The following MARCHF3 variants were observed in gnomAD, a reference collection of about 807,000 sequenced individuals.
MARCHF3 encodes the protein E3 ubiquitin-protein ligase MARCHF3.
A neutral mutation model predicts 24.2 loss-of-function variants in MARCHF3; 13 were observed. That is an observed-to-expected ratio of 0.54 (90% CI 0.35 to 0.85). The LOEUF is 0.85. Among genes scored for constraint, MARCHF3 ranks in the 40% least tolerant of loss-of-function variants. The pLI is 0.01. For missense variants in MARCHF3, 276 were observed against 325.0 expected (o/e 0.85, Z 1.16); for synonymous variants, 144 against 137.3 (o/e 1.05, Z -0.34).
intron 1 of MARCHF3, among the ~76,000 whole-genome samples, chr5:126,948,062 A>G (rs1750089689): frequency 6.6e-6 from 1 of 152,136 alleles, no homozygotes; most frequent in Non-Finnish European, 1.5e-5. Context: ...CACTTCCTAC[A>G]TTAATCAAGC....
At chr5:127,028,146 CCATT>C (rs150088731) in intron 1 of MARCHF3, among the ~76,000 whole-genome samples, 3,564 of 152,264 alleles carry the variant, frequency 0.023, 58 homozygotes, top group Non-Finnish European at 0.027. Flanking sequence ...CCCTTAAAAA[CCATT>C]CAGTTTATTC....
At chr5:126,946,777 T>TGTGTGTGTGTGTGG (rs1750028614) in intron 1 of MARCHF3, among the ~76,000 whole-genome samples, 1 of 150,332 alleles carries the variant, frequency 6.7e-6, no homozygotes, top group Non-Finnish European at 1.5e-5. Flanking sequence ...TGTGTGTGTG[T>TGTGTGTGTGTGTGG]GTGTGTGTGT....
chr5:126,982,815 G>T lies in MARCHF3; in HGVS notation c.-57+47535C>A, dbSNP rs1171980273. ...TACAAAGTAGAGTACAAAGCTCAGA[G>T]ATGGGAGTTGAATTGGGGTATATAT... On this transcript the variant is annotated intron_variant, in intron 1 of 4. Coordinates refer to ENST00000308660, the MANE Select transcript of MARCHF3 (RefSeq NM_178450.5). 3.9e-5 allele frequency among the ~76,000 whole-genome samples: 6 copies of T among 152,236 alleles called. No homozygotes were observed. In the East Asian group the frequency reaches 9.6e-4, roughly 24 times the overall value.
intron 1 of MARCHF3, among the ~76,000 whole-genome samples, chr5:127,016,735 T>C (rs971788209): frequency 2.6e-5 from 4 of 152,136 alleles, no homozygotes; most frequent in Middle Eastern, 3.2e-3. Flanking sequence ...GAAATACCAT[T>C]TGACCCAGTG....
intron 1 of MARCHF3, among the ~76,000 whole-genome samples, chr5:127,019,119 G>A (rs1396667559): frequency 1.3e-5 from 2 of 152,152 alleles, no homozygotes; most frequent in Non-Finnish European, 2.9e-5. Context: ...ATATAAATTA[G>A]TACATTCAAG....
intron 3 of MARCHF3, chr5:126,899,186 A>G (rs967034094): frequency 1.0e-6 from 1 of 985,194 alleles, no homozygotes; most frequent in Admixed American, 6.2e-5. Flanking sequence ...AGAAACATAC[A>G]TTCCATGAAG....
At chr5:126,944,077 T>C (rs1323488807) in intron 1 of MARCHF3, among the ~76,000 whole-genome samples, 2 of 152,024 alleles carry the variant, frequency 1.3e-5, no homozygotes, top group Non-Finnish European at 2.9e-5. Context: ...CCCAAAGTGC[T>C]GGGATTACAA....
chr5:126,877,093 T>C (rs984582112), intron 4 of MARCHF3, among the ~76,000 whole-genome samples: 15 of 152,060 alleles, frequency 9.9e-5, no homozygotes, highest in Admixed American at 9.2e-4. Context: ...GAAATGTATC[T>C]CCTTACTGTT....
intron 3 of MARCHF3, among the ~76,000 whole-genome samples, chr5:126,892,649 ATGG>A (rs1753736477): frequency 6.7e-6 from 1 of 150,034 alleles, no homozygotes; most frequent in Non-Finnish European, 1.5e-5. Context: ...CCACTTGATC[ATGG>A]TGGATAAGCT....
At chr5:126,874,586 C>CAA (rs55934327) in intron 4 of MARCHF3, among the ~76,000 whole-genome samples, 5 of 85,606 alleles carry the variant, frequency 5.8e-5, no homozygotes, top group South Asian at 3.5e-4. Flanking sequence ...AACTCCCTCT[C>CAA]AAAAAAAAAA....
intron 1 of MARCHF3, among the ~76,000 whole-genome samples, chr5:126,951,423 A>G (rs528556664): frequency 6.6e-6 from 1 of 152,160 alleles, no homozygotes; most frequent in Non-Finnish European, 1.5e-5. Context: ...TGTATGTCCA[A>G]CTGTCTATTT....
chr5:127,013,771 T>C (rs1752544818), intron 1 of MARCHF3, among the ~76,000 whole-genome samples: 1 of 152,152 alleles, frequency 6.6e-6, no homozygotes, highest in African/African-American at 2.4e-5. Context: ...AACTGATTTT[T>C]GACAAAGGTG....
At chr5:126,955,182 A>C (rs188022732) in intron 1 of MARCHF3, among the ~76,000 whole-genome samples, 1 of 152,360 alleles carries the variant, frequency 6.6e-6, no homozygotes, top group African/African-American at 2.4e-5. Flanking sequence ...CAATGTTCCA[A>C]GAAATGTTCC....
chr5:127,029,174 C>A (rs192299242), intron 1 of MARCHF3, among the ~76,000 whole-genome samples: 1 of 152,240 alleles, frequency 6.6e-6, no homozygotes, highest in Admixed American at 6.5e-5. Flanking sequence ...GGCTGAATTT[C>A]CCCTTCATAT....
intron 1 of MARCHF3, among the ~76,000 whole-genome samples, chr5:126,961,429 A>G (rs926233931): frequency 1.3e-5 from 2 of 152,254 alleles, no homozygotes; most frequent in Non-Finnish European, 1.5e-5. Context: ...TTCAGAAGCA[A>G]CCACCATAAG....
rs113740375 is a variant in MARCHF3 at position 127,015,890 on chromosome 5, C to T, written c.-57+14460G>A. 1.9e-3 allele frequency among the ~76,000 whole-genome samples: 290 copies of T among 152,230 alleles called. 1 individual carries two copies. Among genetic ancestry groups the T allele is most frequent in the Non-Finnish European group, 2.5e-3 (169 of 68,018 alleles). ...GAAATCTCATGCTGTCCCACTCCATCCTACTTGGACATGCATCCTCTGCTT... is the reference window on the plus strand; with the variant it reads ...GAAATCTCATGCTGTCCCACTCCATTCTACTTGGACATGCATCCTCTGCTT... On this transcript the variant is annotated intron_variant, in intron 1 of 4. Coordinates refer to ENST00000308660, the MANE Select transcript of MARCHF3 (RefSeq NM_178450.5).
intron 1 of MARCHF3, among the ~76,000 whole-genome samples, chr5:126,990,481 G>C (rs1474041559): frequency 6.6e-6 from 1 of 152,106 alleles, no homozygotes; most frequent in Non-Finnish European, 1.5e-5. Flanking sequence ...CAGGATATAG[G>C]CATGGGCAAG....
intron 1 of MARCHF3, among the ~76,000 whole-genome samples, chr5:126,942,448 A>G (rs1229215657): frequency 2.0e-5 from 3 of 152,232 alleles, no homozygotes; most frequent in African/African-American, 7.2e-5. Flanking sequence ...TTGTAAAAAA[A>G]AAATAAGAAT....
intron 1 of MARCHF3, among the ~76,000 whole-genome samples, chr5:126,956,895 T>C (rs1247044729): frequency 6.6e-6 from 1 of 152,116 alleles, no homozygotes; most frequent in Non-Finnish European, 1.5e-5. Flanking sequence ...AAAACATCTC[T>C]TTGAATTGGC....
Sources: gnomAD v4.1 joint callset for allele counts (sites outside exome capture counted in the v4.1 genomes callset) on GRCh38, gnomAD v4.1.1 for gene constraint, MANE v1.5 for transcripts, NCBI Gene and HGNC (gene_info 2026-07-23, HGNC 2026-07-21) for gene names.